Variants in KLHL10 observed in about 807,000 individuals in gnomAD.
KLHL10 encodes kelch-like protein 10.
A neutral mutation model predicts 46.6 loss-of-function variants in KLHL10; 11 were observed. The ratio of observed to expected loss-of-function variants is 0.24; its 90% confidence interval spans 0.15 to 0.39. KLHL10 has a LOEUF of 0.39. KLHL10 is among the 10% of genes least tolerant of loss of function. KLHL10 has a pLI of 1.00. For missense variants in KLHL10, 475 were observed against 789.8 expected, an observed-to-expected ratio of 0.60 and a Z score of 4.78; for synonymous variants, 254 against 279.1, an observed-to-expected ratio of 0.91 and a Z score of 0.90.
chr17:41,842,782 C>T (rs1351556501), intron 2 of KLHL10, among the ~76,000 whole-genome samples: 1 of 151,234 alleles, frequency 6.6e-6, no homozygotes, highest in Non-Finnish European at 1.5e-5. Context: ...TGCTAAAATA[C>T]AAAAATTAGC....
At chr17:41,837,618 A>G, upstream of KLHL10, 5 of 1,113,366 alleles carry the variant, frequency 4.5e-6, no homozygotes, top group Non-Finnish European at 5.7e-6. Flanking sequence ...ATCAATAAAC[A>G]CTCAGATGGT....
At chr17:41,843,783 A>G (rs2048251922) in intron 2 of KLHL10, among the ~76,000 whole-genome samples, 1 of 152,066 alleles carries the variant, frequency 6.6e-6, no homozygotes, top group Non-Finnish European at 1.5e-5. Flanking sequence ...ATTTATTTTG[A>G]GAAGGAGTCT....
intron 2 of KLHL10, among the ~76,000 whole-genome samples, chr17:41,843,785 A>G (rs1256550627): frequency 1.3e-5 from 2 of 152,056 alleles, no homozygotes; most frequent in South Asian, 2.1e-4. Context: ...TTATTTTGAG[A>G]AGGAGTCTCA....
Position 41,847,993 on chromosome 17 carries a change from A to G in KLHL10, c.1513A>G (p.Asn505Asp), listed in dbSNP as rs201755917. The change falls in exon 5 of 5, where the codon AAC (asparagine) becomes GAC (aspartate). Residue 505 changes from asparagine (N) to aspartate (D), a missense_variant. By Grantham distance (23) the Asn-to-Asp change is conservative. Coordinates refer to ENST00000293303, the MANE Select transcript of KLHL10 (RefSeq NM_152467.5). Reference sequence around the variant, plus strand: ...TGCCGAAGCCTACAGCCCTGTGGCTAACACTTGGCGCACAATCCCCACTAT... The same window carrying G: ...TGCCGAAGCCTACAGCCCTGTGGCTGACACTTGGCGCACAATCCCCACTAT... Reference protein sequence around the residue: ...RSAEAYSPVANTWRTIPTMFN... With the variant: ...RSAEAYSPVADTWRTIPTMFN... 105 of 1,614,190 alleles carry G rather than the reference A, an allele frequency of 6.5e-5. No individual in the cohort carries two copies. The highest frequency in any genetic ancestry group is 8.5e-7 in the Non-Finnish European group (1 of 1,180,038).
chr17:41,846,968 A>G (rs1555621511), intron 3 of KLHL10, among the ~76,000 whole-genome samples: 1 of 152,154 alleles, frequency 6.6e-6, no homozygotes, highest in Admixed American at 6.6e-5. Flanking sequence ...ACAAAAAATT[A>G]GCGGAGCGTG....
rs1417913810 is a variant in KLHL10 at position 41,847,534 on chromosome 17, C to A, written c.1452+124C>A. 12 of 1,129,042 alleles carry A rather than the reference C, an allele frequency of 1.1e-5. No homozygotes were observed. The East Asian group carries it at 3.1e-4, about 29-fold the overall frequency. 69.9% of individuals were successfully genotyped at this position (1,129,042 alleles called of 1,614,324 possible). A position where few individuals can be genotyped will look rare whatever the true frequency, so the allele number is the denominator to read the frequency against. ...GCTTTTTTTTTTTTTGAGATGGAGT[C>A]TCGCTCTGTTGCCCAGGCTGTACTG... On this transcript the variant is annotated intron_variant, in intron 4 of 4. Coordinates refer to ENST00000293303, the MANE Select transcript of KLHL10 (RefSeq NM_152467.5).
At chr17:41,837,746 T>G, upstream of KLHL10, 1 of 1,402,128 alleles carries the variant, frequency 7.1e-7, no homozygotes, top group Non-Finnish European at 9.3e-7. Flanking sequence ...AGGAGGCAGT[T>G]CCAGAACCTG....
upstream of KLHL10, chr17:41,835,952 G>A: frequency 6.3e-7 from 1 of 1,588,542 alleles, no homozygotes; most frequent in Non-Finnish European, 8.6e-7. Context: ...TCATCAGGGT[G>A]CTCACCTGTC....
At chr17:41,836,487 C>G (rs1224425387), upstream of KLHL10, 12 of 981,202 alleles carry the variant, frequency 1.2e-5, no homozygotes, top group East Asian at 1.4e-3. Context: ...GAGGAAAAGC[C>G]TTGCCAAACG....
chr17:41,844,377 C>G (rs545496111), intron 2 of KLHL10, among the ~76,000 whole-genome samples: 1 of 151,428 alleles, frequency 6.6e-6, no homozygotes, highest in Non-Finnish European at 1.5e-5. Flanking sequence ...ATTATAGGCA[C>G]CTGCCACCAC....
upstream of KLHL10, chr17:41,835,905 T>C: frequency 6.2e-7 from 1 of 1,608,650 alleles, no homozygotes; most frequent in Non-Finnish European, 8.5e-7. Context: ...CACGATCTCC[T>C]GCACCCGCCC....
rs782568521 is a variant in KLHL10, at chr17:41,845,424, C to T, written c.983C>T (p.Pro328Leu). 5 of 1,614,184 alleles carry T rather than the reference C, an allele frequency of 3.1e-6. No homozygotes were observed. The highest frequency in any genetic ancestry group is 3.3e-5 in the Admixed American group (2 of 60,014). Residue 328 changes from proline to leucine, a missense_variant, in exon 3 of 5, where the codon CCC becomes CTC. Physicochemically the swap from Pro to Leu is moderately conservative, Grantham distance 98 (BLOSUM62 -3). Coordinates refer to ENST00000293303, the MANE Select transcript of KLHL10 (RefSeq NM_152467.5). ...AATGTTACTTGTGAGGAAGAGAGTC[C>T]CCGTGCCTACCATGGGGCAGCCTAT... Reference protein sequence around the residue: ...WVNVTCEEESPRAYHGAAYLK... With the variant: ...WVNVTCEEESLRAYHGAAYLK...
chr17:41,836,089 C>T (rs2048152371), upstream of KLHL10: 1 of 1,348,932 alleles, frequency 7.4e-7, no homozygotes, highest in Admixed American at 3.8e-5. Context: ...CTGGGTGAAG[C>T]GGCGGTGCCT....
intron 1 of KLHL10, among the ~76,000 whole-genome samples, chr17:41,839,327 A>G (rs1052914657): frequency 2.0e-5 from 3 of 152,158 alleles, no homozygotes; most frequent in Non-Finnish European, 4.4e-5. Context: ...TCAACCAACT[A>G]TTGGTGGGCC....
chr17:41,844,403 G>T (rs1487347398), intron 2 of KLHL10, among the ~76,000 whole-genome samples: 1 of 151,798 alleles, frequency 6.6e-6, no homozygotes, highest in East Asian at 1.9e-4. Context: ...GCTAATTTTT[G>T]TATTTTTAGT....
At chr17:41,835,879 C>T, upstream of KLHL10, 1 of 1,609,298 alleles carries the variant, frequency 6.2e-7, no homozygotes, top group Non-Finnish European at 8.5e-7. Context: ...TCTCCGCCGC[C>T]CTTGCGGAGG....
intron 1 of KLHL10, among the ~76,000 whole-genome samples, chr17:41,838,450 G>A (rs181882216): frequency 2.0e-5 from 3 of 151,770 alleles, no homozygotes; most frequent in Admixed American, 6.6e-5. Context: ...TCTGTAGAGA[G>A]GGAGTCTCGC....
chr17:41,836,209 G>T, upstream of KLHL10: 1 of 1,242,246 alleles, frequency 8.0e-7, no homozygotes, highest in Non-Finnish European at 1.0e-6. Context: ...TCGAGGCCTG[G>T]TCGGCGGCTC....
upstream of KLHL10, chr17:41,837,496 T>C (rs4796714): frequency 0.76 from 742,053 of 978,254 alleles, 283,214 homozygotes; most frequent in Admixed American, 0.85. Flanking sequence ...TCAGCCTCAA[T>C]TGACTTGGAT....
Sources: gnomAD v4.1 joint callset for allele counts (sites outside exome capture counted in the v4.1 genomes callset) on GRCh38, gnomAD v4.1.1 for gene constraint, MANE v1.5 for transcripts, NCBI Gene and HGNC (gene_info 2026-07-23, HGNC 2026-07-21) for gene names.